The following SIPA1L2 variants were observed in gnomAD, a reference collection of about 807,000 sequenced individuals.
SIPA1L2 encodes signal induced proliferation associated 1 like 2.
In SIPA1L2, 56 loss-of-function variants were observed where a neutral mutation model predicts 163.9. That is an observed-to-expected ratio of 0.34 (90% CI 0.28 to 0.43). The LOEUF (loss-of-function observed/expected upper bound fraction) is 0.43. SIPA1L2 is among the 20% of genes least tolerant of loss of function. SIPA1L2 has a pLI of 1.00. For synonymous variants in SIPA1L2, 877 were observed against 865.7 expected, an observed-to-expected ratio of 1.01 and a Z score of -0.23; for missense variants, 1,974 against 2,193.5, an observed-to-expected ratio of 0.90 and a Z score of 2.00.
chr1:232,402,619 A>C, intron 21 of SIPA1L2, 146 bp from the exon 22 acceptor site: 1 of 606,190 alleles, frequency 1.6e-6, no homozygotes. Context: ...GAAAGTGTCC[A>C]TATTGCTGAT....
At chr1:232,493,694 A>G in intron 3 of SIPA1L2, 34 bp from the exon 4 acceptor site, 2 of 1,612,252 alleles carry the variant, frequency 1.2e-6, no homozygotes, top group Non-Finnish European at 1.7e-6. Context: ...CATCAAAAGA[A>G]TGAAAAAGGA....
chr1:232,435,744 A>G (rs1662523703), intron 15 of SIPA1L2, among the ~76,000 whole-genome samples: 1 of 152,170 alleles, frequency 6.6e-6, no homozygotes, highest in South Asian at 2.1e-4. Context: ...AAGAAAAAAA[A>G]TGTGTTTGCT....
At chr1:232,472,498 C>A (rs757996807) in intron 7 of SIPA1L2, among the ~76,000 whole-genome samples, 5 of 152,354 alleles carry the variant, frequency 3.3e-5, no homozygotes, top group Non-Finnish European at 7.3e-5. Context: ...TGACACATCA[C>A]ATTATGCATT....
intron 9 of SIPA1L2, chr1:232,462,212 A>G (rs769726843): frequency 3.4e-5 from 52 of 1,550,700 alleles, no homozygotes; most frequent in East Asian, 1.5e-4. Flanking sequence ...TTTACATCCA[A>G]TGAAAGAAAA....
intron 2 of SIPA1L2, among the ~76,000 whole-genome samples, chr1:232,560,271 C>A (rs1286465516): frequency 1.3e-5 from 2 of 152,228 alleles, no homozygotes; most frequent in East Asian, 3.8e-4. Flanking sequence ...CAAACCACAT[C>A]CCCAGCTACC....
chr1:232,445,906 T>C, intron 10 of SIPA1L2, 120 bp from the exon 11 acceptor site: 1 of 1,087,986 alleles, frequency 9.2e-7, no homozygotes, highest in Non-Finnish European at 1.3e-6. Context: ...CGGCTCCAAG[T>C]CAATGATGCA....
rs371248225 is a variant in SIPA1L2 at position 232,598,038 on chromosome 1, A to T, written c.-318-23816T>A. 5.4e-4 allele frequency among the ~76,000 whole-genome samples: 82 copies of T among 152,314 alleles called. 1 individual carries two copies. The highest frequency in any genetic ancestry group is 7.9e-4 in the African/African-American group (33 of 41,556). Reference sequence around the variant, plus strand: ...TTGTGTCCTCATCCTCAGCCTGGCCATGATCTCTTAATTTTCATTATCTGG... The same window carrying T: ...TTGTGTCCTCATCCTCAGCCTGGCCTTGATCTCTTAATTTTCATTATCTGG... On this transcript the variant is annotated intron_variant, in intron 1 of 22. Coordinates refer to ENST00000674635, the MANE Select transcript of SIPA1L2 (RefSeq NM_020808.5).
chr1:232,461,173 G>C lies in SIPA1L2; in HGVS notation c.2821-12C>G. 6.2e-7 allele frequency: 1 copy of C among 1,611,698 alleles called. No homozygotes were observed. The highest frequency in any genetic ancestry group is 8.5e-7 in the Non-Finnish European group (1 of 1,178,502). ...CCTCTCGTCACTATCTAAGGGGGAAGGAGACTGTTAGAGATGCCCTTCCTG... is the reference window on the plus strand; with the variant it reads ...CCTCTCGTCACTATCTAAGGGGGAACGAGACTGTTAGAGATGCCCTTCCTG... On this transcript the variant is annotated splice_polypyrimidine_tract_variant and intron_variant, in intron 9 of 22. Transcript: ENST00000674635.
chr1:232,451,652 A>G lies in SIPA1L2; in HGVS notation c.3096-5866T>C, dbSNP rs183877708. Among the ~76,000 whole-genome samples, 6 of 152,298 alleles carry G rather than the reference A, an allele frequency of 3.9e-5. No homozygotes were observed. The East Asian group carries it at 1.2e-3, about 30-fold the overall frequency. Reference sequence around the variant, plus strand: ...TACACATGCTTGGCTTCCTCTCGATATACCAAATCAAGTCAATGGATGGAA... The same window carrying G: ...TACACATGCTTGGCTTCCTCTCGATGTACCAAATCAAGTCAATGGATGGAA... On this transcript the variant is annotated intron_variant, in intron 10 of 22. Coordinates refer to ENST00000674635, the MANE Select transcript of SIPA1L2 (RefSeq NM_020808.5).
At chr1:232,467,290 A>G (rs1664571922) in intron 8 of SIPA1L2, among the ~76,000 whole-genome samples, 1 of 152,178 alleles carries the variant, frequency 6.6e-6, no homozygotes, top group Non-Finnish European at 1.5e-5. Context: ...TTATGGTAGT[A>G]TATATACCAT....
intron 1 of SIPA1L2, among the ~76,000 whole-genome samples, chr1:232,617,328 G>T (rs1488770177): frequency 6.6e-6 from 1 of 152,216 alleles, no homozygotes; most frequent in Non-Finnish European, 1.5e-5. Context: ...ACCCAGTGGG[G>T]AAACTGCCAA....
Position 232,461,128 on chromosome 1 carries a change from T to A in SIPA1L2, c.2854A>T (p.Thr952Ser). ...TGGCCCAGCCCGTTCCTCCTCAGGGTCATTTCCACAGTCTCGCAGCCTCTC... is the reference window on the plus strand; with the variant it reads ...TGGCCCAGCCCGTTCCTCCTCAGGGACATTTCCACAGTCTCGCAGCCTCTC... The part of the protein sequence containing the change: ...VTRGCETVEM[T>S]LRRNGLGQLG... Residue 952 changes from threonine to serine, a missense_variant, in exon 10 of 23, where the codon ACC becomes TCC. Thr to Ser is a moderately conservative substitution (Grantham distance 58, BLOSUM62 1). Transcript: ENST00000674635. 4 of 1,614,222 alleles carry A rather than the reference T, an allele frequency of 2.5e-6. No individual in the cohort carries two copies. The highest frequency in any genetic ancestry group is 3.4e-6 in the Non-Finnish European group (4 of 1,180,050).
chr1:232,427,110 CAT>C (rs1196706344), intron 17 of SIPA1L2, among the ~76,000 whole-genome samples: 12 of 152,186 alleles, frequency 7.9e-5, no homozygotes, highest in African/African-American at 2.2e-4. Context: ...AGAAAAAACA[CAT>C]GTCAAGAAGT....
chr1:232,416,245 A>G (rs1013031779), intron 18 of SIPA1L2, among the ~76,000 whole-genome samples: 2 of 152,230 alleles, frequency 1.3e-5, no homozygotes, highest in Non-Finnish European at 2.9e-5. Context: ...AGTGGCCAAG[A>G]TAATTTTTCC....
chr1:232,517,019 T>C (rs1667246282), intron 2 of SIPA1L2, among the ~76,000 whole-genome samples: 1 of 152,114 alleles, frequency 6.6e-6, no homozygotes, highest in Admixed American at 6.6e-5. Flanking sequence ...AGTAATTAGA[T>C]CAAGTGTCTA....
intron 15 of SIPA1L2, among the ~76,000 whole-genome samples, chr1:232,433,765 A>G (rs1225743115): frequency 6.6e-6 from 1 of 152,220 alleles, no homozygotes; most frequent in African/African-American, 2.4e-5. Flanking sequence ...AGTTTAAATT[A>G]TAGGTCTAAT....
At chr1:232,625,542 GA>G (rs1663031929) in intron 1 of SIPA1L2, among the ~76,000 whole-genome samples, 1 of 152,116 alleles carries the variant, frequency 6.6e-6, no homozygotes, top group Admixed American at 6.5e-5. Context: ...TAGCGAAAAG[GA>G]AACTCGTTGA....
rs1012015365 is a variant in SIPA1L2 at position 232,513,606 on chromosome 1, C to T, written c.1483+251G>A. 3.9e-5 allele frequency among the ~76,000 whole-genome samples: 6 copies of T among 152,048 alleles called. No individual in the cohort carries two copies. In the South Asian group the frequency reaches 1.2e-3, roughly 31 times the overall value. ...TCACAAATTGGCAGACAAAGAATGA[C>T]AGAAAGAGAAACCAAAAGGGCATTT... On this transcript the variant is annotated intron_variant, in intron 3 of 22. Coordinates refer to ENST00000674635, the MANE Select transcript of SIPA1L2 (RefSeq NM_020808.5).
Position 232,441,767 on chromosome 1 carries a change from C to A in SIPA1L2, c.3538+1G>T. 1 of 1,613,414 alleles carries A rather than the reference C, an allele frequency of 6.2e-7. No homozygotes were observed. The highest frequency in any genetic ancestry group is 8.5e-7 in the Non-Finnish European group (1 of 1,179,588). Reference sequence around the variant, plus strand: ...GTCAATTTCCAGGAGTTCCTTATTACCCGGGTGCCTGCTTGCTTCCATGGT... The same window carrying A: ...GTCAATTTCCAGGAGTTCCTTATTAACCGGGTGCCTGCTTGCTTCCATGGT... On this transcript the variant is annotated splice_donor_variant, in intron 13 of 22. Transcript: ENST00000674635. LOFTEE classifies it high-confidence loss of function.
Sources: allele counts gnomAD v4.1 joint callset (sites outside exome capture counted in the v4.1 genomes callset), GRCh38; gene constraint gnomAD v4.1.1; transcripts MANE v1.5; gene names NCBI Gene and HGNC (gene_info 2026-07-23, HGNC 2026-07-21).